The following GSX2 variants were observed in gnomAD, a reference collection of about 807,000 sequenced individuals.
GSX2 encodes GS homeobox 2, also known as genetic-screened homeobox 2.
GSX2 carries 16 observed loss-of-function variants against 19.2 expected under a neutral mutation model. The ratio of observed to expected loss-of-function variants is 0.84; its 90% CI spans 0.57 to 1.27. The LOEUF is 1.27. Among genes scored for constraint, GSX2 ranks in the 50% most tolerant of loss-of-function variants. The probability of loss-of-function intolerance (pLI) is 0.00; values close to 1 mark genes in which losing one functional copy is unlikely to be tolerated. For missense variants in GSX2, 448 were observed against 428.4 expected (o/e 1.05, Z -0.40); for synonymous variants, 217 against 196.4 (o/e 1.10, Z -0.88).
intron 1 of GSX2, 30 bp downstream of exon 1, chr4:54,100,948 C>G (rs1560410947): frequency 1.3e-6 from 2 of 1,523,262 alleles, no homozygotes; most frequent in Non-Finnish European, 1.8e-6. Flanking sequence ...CACCTGCGCT[C>G]CGCGCCTTTC....
chr4:54,100,502 G>A lies in GSX2; in HGVS notation c.158G>A (p.Arg53His). The change falls in exon 1 of 2, where the codon CGC becomes CAC. Residue 53 changes from arginine (R) to histidine (H), a missense_variant. By Grantham distance (29) the Arg-to-His change is conservative (BLOSUM62 0). Coordinates refer to ENST00000326902, the MANE Select transcript of GSX2 (RefSeq NM_133267.3). ...GTGTCCGGCCCCGGCTGCCCGTCCC[G>A]CAAGAGCGGCGCGTTCTGCGTGTGC... ...MSVSGPGCPS[R>H]KSGAFCVCPL... 6.2e-7 allele frequency: 1 copy of A among 1,613,374 alleles called. No homozygotes were observed. Among genetic ancestry groups the A allele is most frequent in the Non-Finnish European group, 8.5e-7 (1 of 1,179,854 alleles).
Position 54,100,522 on chromosome 4 carries a change from G to A in GSX2, c.178G>A (p.Val60Met). 2 of 1,612,968 alleles carry A rather than the reference G, an allele frequency of 1.2e-6. No homozygotes were observed. The highest frequency in any genetic ancestry group is 1.7e-6 in the Non-Finnish European group (2 of 1,179,782). ...GTCCCGCAAGAGCGGCGCGTTCTGC[G>A]TGTGCCCTCTCTGCGTCACTTCGCA... is the stretch of plus-strand genomic sequence containing the variant. ...CPSRKSGAFC[V>M]CPLCVTSHLH... Residue 60 changes from valine to methionine, a missense_variant, in exon 1 of 2, where the codon GTG (valine) becomes ATG (methionine). Physicochemically the swap from Val to Met is conservative, Grantham distance 21. Transcript: ENST00000326902.
Position 54,101,153 on chromosome 4 carries a change from T to TATTA in GSX2, c.574+238_574+241dup, listed in dbSNP as rs749840679. On this transcript the variant is annotated intron_variant, in intron 1 of 1. Coordinates refer to ENST00000326902, the MANE Select transcript of GSX2 (RefSeq NM_133267.3). The surrounding 1 kb of genome is among the most constrained non-coding windows in gnomAD (Gnocchi z 5.0). Reference sequence around the variant, plus strand: ...AGTAGTAGGTGCTCGAGTATTGCCTTATTAATACTGGGGCCTTAGGGACCT... The same window carrying TATTA: ...AGTAGTAGGTGCTCGAGTATTGCCTTATTAATTAATACTGGGGCCTTAGGGACCT... 6.6e-6 allele frequency among the ~76,000 whole-genome samples: 1 copy of TATTA among 152,216 alleles called. No homozygotes were observed. The highest frequency in any genetic ancestry group is 1.5e-5 in the Non-Finnish European group (1 of 68,036).
intron 1 of GSX2, 50 bp downstream of exon 1, chr4:54,100,968 G>C: frequency 6.7e-7 from 1 of 1,489,862 alleles, no homozygotes; most frequent in African/African-American, 1.4e-5. Context: ...CGCGCTCCTG[G>C]AGCAAACTTT....
In GSX2 at chr4:54,100,886, C is replaced by A. The variant is rs868462222; in HGVS notation, c.542C>A (p.Ala181Glu). 2 of 1,572,634 alleles carry A rather than the reference C, an allele frequency of 1.3e-6. No individual in the cohort carries two copies. Among genetic ancestry groups the A allele is most frequent in the Non-Finnish European group, 1.7e-6 (2 of 1,167,012 alleles). ...TGCACCGCCACCACCTACAACGTGGCGGACCCGCGGAGATTCCACTGCCTC... is the reference window on the plus strand; with the variant it reads ...TGCACCGCCACCACCTACAACGTGGAGGACCCGCGGAGATTCCACTGCCTC... ...PVCTATTYNV[A>E]DPRRFHCLTM... is the part of the protein sequence containing the mutation. Residue 181 changes from alanine to glutamate, a missense_variant, in exon 1 of 2, where the codon GCG (alanine) becomes GAG (glutamate). By Grantham distance (107) the Ala-to-Glu change is moderately radical (BLOSUM62 -1). Coordinates refer to ENST00000326902, the MANE Select transcript of GSX2 (RefSeq NM_133267.3).
In GSX2 at chr4:54,101,636, C is replaced by CT; in HGVS notation, c.630dup (p.Ser211Ter). 6.2e-7 allele frequency: 1 copy of CT among 1,614,108 alleles called. No individual in the cohort carries two copies. The highest frequency in any genetic ancestry group is 1.1e-5 in the South Asian group (1 of 91,076). On this transcript the variant is annotated frameshift_variant, in exon 2 of 2. Coordinates refer to ENST00000326902, the MANE Select transcript of GSX2 (RefSeq NM_133267.3). LOFTEE classifies it high-confidence loss of function. The surrounding 1 kb of genome is among the most constrained non-coding windows in gnomAD (Gnocchi z 5.0). ...GGCAAGAGGATGAGGACGGCGTTCACTAGCACGCAACTCCTGGAGCTGGAG... is the reference window on the plus strand; with the variant it reads ...GGCAAGAGGATGAGGACGGCGTTCACTTAGCACGCAACTCCTGGAGCTGGAG...
Position 54,100,228 on chromosome 4 carries a change from G to A in GSX2, c.-117G>A, listed in dbSNP as rs551563607. ...TCCCAGCCCAGACGCCAACACCTCTGCGTCCCCAAGGGCTTGACTGCCCGT... is the reference window on the plus strand; with the variant it reads ...TCCCAGCCCAGACGCCAACACCTCTACGTCCCCAAGGGCTTGACTGCCCGT... On this transcript the variant is annotated 5_prime_UTR_variant, in exon 1 of 2. Transcript: ENST00000326902. The A allele has an allele frequency of 2.1e-6, 3 of 1,463,278 alleles. No individual in the cohort carries two copies. The highest frequency in any genetic ancestry group is 2.8e-5 in the African/African-American group (2 of 70,960). The allele number at this position is 1,463,278 out of a possible 1,614,324, so 90.6% of individuals were successfully genotyped here. A position where few individuals can be genotyped will look rare whatever the true frequency, so the allele number is the denominator to read the frequency against.
Position 54,101,194 on chromosome 4 carries a change from AT to A in GSX2, c.574+277del, listed in dbSNP as rs1402152607. Among the ~76,000 whole-genome samples the A allele has an allele frequency of 6.6e-6, 1 of 152,170 alleles. No individual in the cohort carries two copies. The highest frequency in any genetic ancestry group is 1.5e-5 in the Non-Finnish European group (1 of 68,028). Reference sequence around the variant, plus strand: ...TTAGGGACCTCGAACGTCACGGCGGATAAACCAGAGGTTAACTGCTTGGGAT... The same window carrying A: ...TTAGGGACCTCGAACGTCACGGCGGAAAACCAGAGGTTAACTGCTTGGGAT... On this transcript the variant is annotated intron_variant, in intron 1 of 1. Coordinates refer to ENST00000326902, the MANE Select transcript of GSX2 (RefSeq NM_133267.3). This position sits in a 1 kb window ranked among gnomAD's most constrained non-coding sequence, Gnocchi z 5.0.
In GSX2 at chr4:54,100,476, C is replaced by A. The variant is rs756310653; in HGVS notation, c.132C>A (p.Ser44=). The A allele has an allele frequency of 6.2e-7, 1 of 1,613,776 alleles. No homozygotes were observed. Residue 44 remains serine (S), a synonymous_variant, in exon 1 of 2, where the codon TCC becomes TCA. Coordinates refer to ENST00000326902, the MANE Select transcript of GSX2 (RefSeq NM_133267.3). ...PLGMPPPLVM[S]VSGPGCPSRK... ...GCATGCCGCCCCCATTGGTGATGTC[C>A]GTGTCCGGCCCCGGCTGCCCGTCCC...
Position 54,101,399 on chromosome 4 carries a change from TA to T in GSX2, c.575-182del, listed in dbSNP as rs1224331592. Among the ~76,000 whole-genome samples, 2 of 152,218 alleles carry T rather than the reference TA, an allele frequency of 1.3e-5. No homozygotes were observed. Among genetic ancestry groups the T allele is most frequent in the African/African-American group, 2.4e-5 (1 of 41,456 alleles). On this transcript the variant is annotated intron_variant, in intron 1 of 1. Coordinates refer to ENST00000326902, the MANE Select transcript of GSX2 (RefSeq NM_133267.3). This position sits in a 1 kb window ranked among gnomAD's most constrained non-coding sequence, Gnocchi z 5.0. ...TCGCATCCTGCGCATCGAAGACCTT[TA>T]TTTGCTTTGCACGTCTCTTTTCTTC...
chr4:54,100,745 A>T lies in GSX2; in HGVS notation c.401A>T (p.His134Leu). ...CATCATCACCACCACCCGCCGCAGC[A>T]CCACCATCACCATCATCAGCCCCAG... ...HAHHHHHPPQHHHHHHQPQQP... is the reference protein window; with the variant it reads ...HAHHHHHPPQLHHHHHQPQQP... The change falls in exon 1 of 2, where the codon CAC becomes CTC. Residue 134 changes from histidine to leucine, a missense_variant. Coordinates refer to ENST00000326902, the MANE Select transcript of GSX2 (RefSeq NM_133267.3). 1 of 1,541,504 alleles carries T rather than the reference A, an allele frequency of 6.5e-7. No homozygotes were observed. The highest frequency in any genetic ancestry group is 8.7e-7 in the Non-Finnish European group (1 of 1,143,218).
At position 54,100,473 on chromosome 4, in the gene GSX2, G is replaced by A. The variant is rs541178150; in HGVS notation, c.129G>A (p.Met43Ile). 1 of 1,613,890 alleles carries A rather than the reference G, an allele frequency of 6.2e-7. No individual in the cohort carries two copies. Among genetic ancestry groups the A allele is most frequent in the South Asian group, 1.1e-5 (1 of 91,068 alleles). Reference sequence around the variant, plus strand: ...TTGGCATGCCGCCCCCATTGGTGATGTCCGTGTCCGGCCCCGGCTGCCCGT... The same window carrying A: ...TTGGCATGCCGCCCCCATTGGTGATATCCGTGTCCGGCCCCGGCTGCCCGT... ...IPLGMPPPLV[M>I]SVSGPGCPSR... The change falls in exon 1 of 2, where the codon ATG becomes ATA. Residue 43 changes from methionine (M) to isoleucine (I), a missense_variant. Coordinates refer to ENST00000326902, the MANE Select transcript of GSX2 (RefSeq NM_133267.3).
rs891779058 is a variant in GSX2 at position 54,101,086 on chromosome 4, A to C, written c.574+168A>C. ...CAGAAGTTCCACGAAAGTGGAAGTTAGTTTGCCAGCTTCTCCACTCAGCCT... is the reference window on the plus strand; with the variant it reads ...CAGAAGTTCCACGAAAGTGGAAGTTCGTTTGCCAGCTTCTCCACTCAGCCT... On this transcript the variant is annotated intron_variant, in intron 1 of 1. Coordinates refer to ENST00000326902, the MANE Select transcript of GSX2 (RefSeq NM_133267.3). The surrounding 1 kb of genome is among the most constrained non-coding windows in gnomAD (Gnocchi z 5.0). Among the ~76,000 whole-genome samples, 2 of 152,224 alleles carry C rather than the reference A, an allele frequency of 1.3e-5. No individual in the cohort carries two copies. Among genetic ancestry groups the C allele is most frequent in the Admixed American group, 1.3e-4 (2 of 15,292 alleles).
Position 54,100,576 on chromosome 4 carries a change from G to T in GSX2, c.232G>T (p.Ala78Ser). 2 of 1,582,006 alleles carry T rather than the reference G, an allele frequency of 1.3e-6. No individual in the cohort carries two copies. Among genetic ancestry groups the T allele is most frequent in the Non-Finnish European group, 1.7e-6 (2 of 1,166,074 alleles). Residue 78 changes from alanine to serine, a missense_variant, in exon 1 of 2, where the codon GCC becomes TCC. Ala to Ser is a moderately conservative substitution (Grantham distance 99). Transcript: ENST00000326902. ...HLHSSRGSVG[A>S]GSGGAGAGVT... ...GCACTCCTCTCGGGGGTCTGTGGGC[G>T]CCGGCAGCGGGGGCGCAGGGGCCGG...
rs6554149 is a variant in GSX2 at position 54,101,195 on chromosome 4, T to G, written c.574+277T>G. The stretch of plus-strand genomic sequence containing the variant: ...TAGGGACCTCGAACGTCACGGCGGA[T>G]AAACCAGAGGTTAACTGCTTGGGAT... On this transcript the variant is annotated intron_variant, in intron 1 of 1. Transcript: ENST00000326902. The surrounding 1 kb of genome is among the most constrained non-coding windows in gnomAD (Gnocchi z 5.0). Among the ~76,000 whole-genome samples the G allele has an allele frequency of 0.98, 149,920 of 152,240 alleles. 73,848 individuals carry two copies. Among genetic ancestry groups the G allele is most frequent in the Middle Eastern group, 1 (294 of 294 alleles).
rs766243083 is a variant in GSX2, at chr4:54,100,931, C to A, written c.574+13C>A. The A allele has an allele frequency of 1.3e-6, 2 of 1,545,664 alleles. No individual in the cohort carries two copies. The highest frequency in any genetic ancestry group is 1.7e-6 in the Non-Finnish European group (2 of 1,153,374). ...TGCCTCACCATGGGTAGGGCGGGGTCTTGGGGCACCTGCGCTCCGCGCCTT... is the reference window on the plus strand; with the variant it reads ...TGCCTCACCATGGGTAGGGCGGGGTATTGGGGCACCTGCGCTCCGCGCCTT... On this transcript the variant is annotated intron_variant, in intron 1 of 1. Coordinates refer to ENST00000326902, the MANE Select transcript of GSX2 (RefSeq NM_133267.3).
rs1718186494 is a variant in GSX2, at chr4:54,102,060, G to A, written c.*138G>A. 4 of 702,086 alleles carry A rather than the reference G, an allele frequency of 5.7e-6. No individual in the cohort carries two copies. Among genetic ancestry groups the A allele is most frequent in the East Asian group, 2.7e-5 (1 of 36,542 alleles). 43.5% of individuals were successfully genotyped at this position (702,086 alleles called of 1,614,324 possible). ...AAACGAACCTGGAAGTTCTGGAATG[G>A]ACAAGCCGGGACCTGACCCTTCGCG... On this transcript the variant is annotated 3_prime_UTR_variant, in exon 2 of 2. Coordinates refer to ENST00000326902, the MANE Select transcript of GSX2 (RefSeq NM_133267.3).
At position 54,102,379 on chromosome 4, in the gene GSX2, T is replaced by G. The variant is rs930233888; in HGVS notation, c.*457T>G. ...AAATTAGACCTTGTAGGTCTTGCTTTCTGAAATTTCGCCTGGGGAGAATTT... is the reference window on the plus strand; with the variant it reads ...AAATTAGACCTTGTAGGTCTTGCTTGCTGAAATTTCGCCTGGGGAGAATTT... On this transcript the variant is annotated 3_prime_UTR_variant, in exon 2 of 2. Transcript: ENST00000326902. 1 of 152,670 alleles carries G rather than the reference T, an allele frequency of 6.6e-6. No individual in the cohort carries two copies. The highest frequency in any genetic ancestry group is 1.5e-5 in the Non-Finnish European group (1 of 68,420). 9.5% of individuals were successfully genotyped at this position (152,670 alleles called of 1,614,324 possible). A position where few individuals can be genotyped will look rare whatever the true frequency, so the allele number is the denominator to read the frequency against.
In GSX2 at chr4:54,101,075, A is replaced by C. The variant is rs1468417933; in HGVS notation, c.574+157A>C. On this transcript the variant is annotated intron_variant, in intron 1 of 1. Transcript: ENST00000326902. The surrounding 1 kb of genome is among the most constrained non-coding windows in gnomAD (Gnocchi z 5.0). ...AGAGTCAGCCACAGAAGTTCCACGA[A>C]AGTGGAAGTTAGTTTGCCAGCTTCT... Among the ~76,000 whole-genome samples the C allele has an allele frequency of 6.6e-6, 1 of 152,194 alleles. No homozygotes were observed. The highest frequency in any genetic ancestry group is 1.5e-5 in the Non-Finnish European group (1 of 68,034).
Sources: allele counts gnomAD v4.1 joint callset (sites outside exome capture counted in the v4.1 genomes callset), GRCh38; gene constraint gnomAD v4.1.1; non-coding constraint Gnocchi (gnomAD v3.1); transcripts MANE v1.5; gene names NCBI Gene and HGNC (gene_info 2026-07-23, HGNC 2026-07-21).